Variants in ADGRL3 observed in about 807,000 individuals in gnomAD.
ADGRL3 encodes the protein adhesion G protein-coupled receptor L3.
In ADGRL3, 62 loss-of-function variants were observed where a neutral mutation model predicts 153.5. The ratio of observed to expected loss-of-function variants is 0.40; its 90% CI spans 0.33 to 0.50. The LOEUF is 0.50. Among genes scored for constraint, ADGRL3 ranks in the 20% least tolerant of loss-of-function variants. The pLI, the probability that ADGRL3 is intolerant of heterozygous loss-of-function variation, is 0.47. For missense variants in ADGRL3, 1,641 were observed against 1,859.4 expected (o/e 0.88, Z 2.16); for synonymous variants, 710 against 672.5 (o/e 1.06, Z -0.86).
At chr4:61,486,236 A>T (rs897586615) in intron 2 of ADGRL3, among the ~76,000 whole-genome samples, 1 of 151,904 alleles carries the variant, frequency 6.6e-6, no homozygotes, top group Non-Finnish European at 1.5e-5. Flanking sequence ...GAGCCACCAT[A>T]CCCGGCTATG....
At chr4:61,590,419 T>A (rs2098964789) in intron 5 of ADGRL3, among the ~76,000 whole-genome samples, 1 of 152,128 alleles carries the variant, frequency 6.6e-6, no homozygotes, top group Non-Finnish European at 1.5e-5. Context: ...AATCTAAATA[T>A]GAAAATTACA....
At chr4:62,031,884 C>T (rs1167761506) in intron 23 of ADGRL3, among the ~76,000 whole-genome samples, 1 of 150,108 alleles carries the variant, frequency 6.7e-6, no homozygotes, top group Non-Finnish European at 1.5e-5. Context: ...TTTAATATTC[C>T]CATTGGTGGC....
chr4:62,046,799 A>G (rs1184601130), intron 25 of ADGRL3, among the ~76,000 whole-genome samples: 1 of 151,942 alleles, frequency 6.6e-6, no homozygotes, highest in Non-Finnish European at 1.5e-5. Flanking sequence ...GTCCCCCTCA[A>G]GTCAGAAACT....
At chr4:61,881,738 A>G (rs932027797) in intron 9 of ADGRL3, among the ~76,000 whole-genome samples, 4 of 152,212 alleles carry the variant, frequency 2.6e-5, no homozygotes, top group African/African-American at 9.7e-5. Context: ...ATCTTCCACA[A>G]CATTTATATT....
chr4:61,804,554 A>C (rs2097533068), intron 8 of ADGRL3, among the ~76,000 whole-genome samples: 1 of 152,160 alleles, frequency 6.6e-6, no homozygotes. Context: ...TTCTTTGAAC[A>C]CTGGAACCAT....
chr4:61,598,986 C>G (rs1579770449), intron 5 of ADGRL3, among the ~76,000 whole-genome samples: 1 of 152,158 alleles, frequency 6.6e-6, no homozygotes, highest in Non-Finnish European at 1.5e-5. Flanking sequence ...AGCTTTTGCT[C>G]TCTGAAGGCT....
At chr4:61,294,316 G>A (rs1291206418) in intron 1 of ADGRL3, among the ~76,000 whole-genome samples, 2 of 152,080 alleles carry the variant, frequency 1.3e-5, no homozygotes, top group Non-Finnish European at 2.9e-5. Context: ...AATTACATAA[G>A]TATTGAGCAT....
intron 2 of ADGRL3, among the ~76,000 whole-genome samples, chr4:61,485,364 G>T (rs1031764078): frequency 3.9e-5 from 6 of 152,142 alleles, no homozygotes; most frequent in African/African-American, 1.4e-4. Flanking sequence ...TTTATGTAAA[G>T]AATTTTTTAA....
chr4:61,384,008 A>G (rs989822159), intron 2 of ADGRL3, among the ~76,000 whole-genome samples: 2 of 151,912 alleles, frequency 1.3e-5, no homozygotes, highest in African/African-American at 4.8e-5. Flanking sequence ...TCTTCATATT[A>G]AAATGATTTA....
chr4:61,500,214 G>A (rs1163807456), intron 3 of ADGRL3, among the ~76,000 whole-genome samples: 2 of 152,062 alleles, frequency 1.3e-5, no homozygotes, highest in Admixed American at 6.6e-5. Context: ...ATTATCTTGA[G>A]TTTTGAACCA....
intron 1 of ADGRL3, among the ~76,000 whole-genome samples, chr4:61,358,932 G>C (rs545182537): frequency 6.6e-6 from 1 of 152,072 alleles, no homozygotes; most frequent in Non-Finnish European, 1.5e-5. Context: ...TCTTCACTAG[G>C]ATTTTTGATA....
Position 61,946,925 on chromosome 4 carries a change from G to C in ADGRL3, c.2431G>C (p.Val811Leu). ...KQNGRNGEIR[V>L]AFVLYNNLGP... Reference sequence around the variant, plus strand: ...TGCATTTACTTTAGGAGAGATCAGAGTGGCCTTTGTCCTGTATAACAACTT... The same window carrying C: ...TGCATTTACTTTAGGAGAGATCAGACTGGCCTTTGTCCTGTATAACAACTT... Residue 811 changes from valine (V) to leucine (L), a missense_variant, in exon 16 of 27, where the codon GTG becomes CTG. Physicochemically the swap from Val to Leu is conservative, Grantham distance 32. Around this residue, in one of 5 missense-constraint regions of ADGRL3, gnomAD observed 734 missense variants for 797.0 expected, o/e 0.92. Coordinates refer to ENST00000683033, the MANE Select transcript of ADGRL3 (RefSeq NM_001387552.1). 6.2e-7 allele frequency: 1 copy of C among 1,613,592 alleles called. No individual in the cohort carries two copies. Among genetic ancestry groups the C allele is most frequent in the Non-Finnish European group, 8.5e-7 (1 of 1,179,576 alleles).
chr4:61,764,632 G>A (rs1027922768), intron 8 of ADGRL3, among the ~76,000 whole-genome samples: 1 of 152,130 alleles, frequency 6.6e-6, no homozygotes, highest in African/African-American at 2.4e-5. Flanking sequence ...GTTACTTCAG[G>A]CCATCTGGGC....
At chr4:61,462,887 A>C (rs2097840656) in intron 2 of ADGRL3, among the ~76,000 whole-genome samples, 1 of 152,140 alleles carries the variant, frequency 6.6e-6, no homozygotes, top group Non-Finnish European at 1.5e-5. Flanking sequence ...CAAAGAGATT[A>C]AGGATTAGTC....
chr4:61,904,136 G>T (rs1455469784), intron 11 of ADGRL3, among the ~76,000 whole-genome samples: 5 of 143,618 alleles, frequency 3.5e-5, no homozygotes, highest in Admixed American at 1.4e-4. Context: ...GTTAAACATT[G>T]AGTTCCCAGG....
At chr4:61,517,850 A>G (rs1360166916) in intron 4 of ADGRL3, among the ~76,000 whole-genome samples, 1 of 152,188 alleles carries the variant, frequency 6.6e-6, no homozygotes, top group Non-Finnish European at 1.5e-5. Context: ...AAGGCTGTAT[A>G]AGTTTTAACA....
Position 61,643,558 on chromosome 4 carries a change from T to C in ADGRL3, c.474-33268T>C, listed in dbSNP as rs1237859461. On this transcript the variant is annotated intron_variant, in intron 5 of 26. Coordinates refer to ENST00000683033, the MANE Select transcript of ADGRL3 (RefSeq NM_001387552.1). The stretch of plus-strand genomic sequence containing the variant: ...TCTATTGAGATAATCATGTGGTTTT[T>C]GTCTTTGGTTCTGTTTATATGCTGG... Among the ~76,000 whole-genome samples the C allele has an allele frequency of 2.0e-5, 3 of 151,910 alleles. No homozygotes were observed. The South Asian group carries it at 6.3e-4, about 32-fold the overall frequency.
At chr4:61,239,106 TA>T (rs1368651338) in intron 1 of ADGRL3, among the ~76,000 whole-genome samples, 7 of 152,126 alleles carry the variant, frequency 4.6e-5, no homozygotes, top group Admixed American at 3.9e-4. Context: ...TTGTCCTTAC[TA>T]AAACTACCAC....
chr4:61,856,994 T>TTC (rs2098279267), intron 9 of ADGRL3, among the ~76,000 whole-genome samples: 2 of 135,978 alleles, frequency 1.5e-5, no homozygotes, highest in Non-Finnish European at 3.2e-5. Context: ...CTTTCTTTCT[T>TTC]TCTTTCTTTC....
Sources: gnomAD v4.1 joint callset for allele counts (sites outside exome capture counted in the v4.1 genomes callset) on GRCh38, gnomAD v4.1.1 for gene constraint, gnomAD v4.1.1 regional missense constraint, MANE v1.5 for transcripts, NCBI Gene and HGNC (gene_info 2026-07-23, HGNC 2026-07-21) for gene names.